SKIL: variants seen among roughly 807,000 people sequenced by gnomAD.
SKIL encodes the protein SKI like proto-oncogene, also known as ski-like protein.
Under a neutral mutation model 69.6 loss-of-function variants are expected in SKIL, and 20 were observed. The observed-to-expected ratio is 0.29, with a 90% CI of 0.20 to 0.42. SKIL has a LOEUF of 0.42. Among genes scored for constraint, SKIL ranks in the 10% least tolerant of loss-of-function variants. The pLI is 1.00. For missense variants in SKIL, 745 were observed against 783.1 expected (o/e 0.95, Z 0.58); for synonymous variants, 310 against 279.9 (o/e 1.11, Z -1.08).
intron 3 of SKIL, among the ~76,000 whole-genome samples, chr3:170,383,169 A>G (rs1299309735): frequency 6.6e-6 from 1 of 152,174 alleles, no homozygotes; most frequent in Non-Finnish European, 1.5e-5. Flanking sequence ...TTTTTCTACT[A>G]GTGTAAATCT....
In SKIL at chr3:170,395,482, A is replaced by G. The variant is rs1160873691; in HGVS notation, c.*3065A>G. ...TAAAGCAGCTATTAAAGTAGGTGAA[A>G]TAAAGTATATATTTGCCGGTTATCC... On this transcript the variant is annotated 3_prime_UTR_variant, in exon 7 of 7. Transcript: ENST00000259119. The G allele has an allele frequency of 6.6e-6, 1 of 152,144 alleles. No individual in the cohort carries two copies. The highest frequency in any genetic ancestry group is 1.5e-5 in the Non-Finnish European group (1 of 67,970). The allele number at this position is 152,144 out of a possible 1,614,324, so 9.4% of individuals were successfully genotyped here.
intron 2 of SKIL, among the ~76,000 whole-genome samples, chr3:170,371,357 A>T (rs1736797396): frequency 6.6e-6 from 1 of 152,114 alleles, no homozygotes; most frequent in Non-Finnish European, 1.5e-5. Flanking sequence ...TAATAAAAAA[A>T]ATAGCTGGGC....
intron 2 of SKIL, 137 bp from the exon 3 acceptor site, chr3:170,381,107 G>T: frequency 1.7e-6 from 1 of 589,150 alleles, no homozygotes; most frequent in South Asian, 1.9e-5. Context: ...GAATACAGGT[G>T]TGAACCACTG....
intron 2 of SKIL, among the ~76,000 whole-genome samples, 199 bp downstream of exon 2, chr3:170,361,628 C>T (rs994705031): frequency 6.6e-6 from 1 of 152,150 alleles, no homozygotes; most frequent in Middle Eastern, 3.2e-3. Context: ...TTCCAAACAT[C>T]CTGTGAGAGA....
At chr3:170,388,865 T>TATTC (rs1325251125) in intron 4 of SKIL, among the ~76,000 whole-genome samples, 4 of 131,864 alleles carry the variant, frequency 3.0e-5, no homozygotes, top group Non-Finnish European at 6.5e-5. Context: ...TTTATGTATT[T>TATTC]ATTTATTTAT....
In SKIL at chr3:170,393,808, T is replaced by C. The variant is rs1320872841; in HGVS notation, c.*1391T>C. The C allele has an allele frequency of 1.3e-5, 2 of 152,172 alleles. No individual in the cohort carries two copies. Among genetic ancestry groups the C allele is most frequent in the African/African-American group, 2.4e-5 (1 of 41,438 alleles). 9.4% of individuals were successfully genotyped at this position (152,172 alleles called of 1,614,324 possible). A position where few individuals can be genotyped will look rare whatever the true frequency, so the allele number is the denominator to read the frequency against. ...AAATTACTTCAGAGAGCTATATTTATTTTAAAATAAATTAGCTAGGGTTAA... is the reference window on the plus strand; with the variant it reads ...AAATTACTTCAGAGAGCTATATTTACTTTAAAATAAATTAGCTAGGGTTAA... On this transcript the variant is annotated 3_prime_UTR_variant, in exon 7 of 7. Transcript: ENST00000259119.
chr3:170,373,000 T>TC (rs1275116842), intron 2 of SKIL, among the ~76,000 whole-genome samples: 1 of 150,466 alleles, frequency 6.6e-6, no homozygotes, highest in African/African-American at 2.4e-5. Flanking sequence ...TTTTTTTTTT[T>TC]TTTTTGAGAC....
At chr3:170,364,844 C>G (rs1178876453) in intron 2 of SKIL, among the ~76,000 whole-genome samples, 2 of 152,094 alleles carry the variant, frequency 1.3e-5, no homozygotes, top group Admixed American at 6.6e-5. Context: ...TCCCAGAATT[C>G]ACTGATTTGA....
chr3:170,367,961 C>T (rs561545842), intron 2 of SKIL, among the ~76,000 whole-genome samples: 6 of 151,936 alleles, frequency 3.9e-5, no homozygotes, highest in Non-Finnish European at 5.9e-5. Flanking sequence ...TTTGCATTTT[C>T]GTTTCACTTC....
At chr3:170,366,153 A>G (rs1230372523) in intron 2 of SKIL, among the ~76,000 whole-genome samples, 1 of 150,904 alleles carries the variant, frequency 6.6e-6, no homozygotes, top group Non-Finnish European at 1.5e-5. Context: ...TGACATGCGT[A>G]TATAGTTTAT....
chr3:170,362,629 A>G (rs1446513545), intron 2 of SKIL, among the ~76,000 whole-genome samples: 1 of 151,882 alleles, frequency 6.6e-6, no homozygotes, highest in African/African-American at 2.4e-5. Flanking sequence ...AGCCTGGCCA[A>G]CATGGTAAAA....
chr3:170,389,617 A>G lies in SKIL; in HGVS notation c.1430-606A>G, dbSNP rs969217694. Among the ~76,000 whole-genome samples, 4 of 152,170 alleles carry G rather than the reference A, an allele frequency of 2.6e-5. No homozygotes were observed. In the East Asian group the frequency reaches 7.7e-4, roughly 29 times the overall value. ...GCGTGAGCCACCGCGCCTGGCCAGA[A>G]AAGATTATTCTTTCCTGACTGAATT... On this transcript the variant is annotated intron_variant, in intron 4 of 6. Transcript: ENST00000259119.
chr3:170,385,853 G>A (rs1180425672), intron 4 of SKIL, among the ~76,000 whole-genome samples: 1 of 150,710 alleles, frequency 6.6e-6, no homozygotes, highest in African/African-American at 2.4e-5. Context: ...CCAGGCTGGA[G>A]TAAAATGGTG....
chr3:170,385,512 T>C (rs1275859021), intron 4 of SKIL, among the ~76,000 whole-genome samples: 2 of 152,166 alleles, frequency 1.3e-5, no homozygotes, highest in Admixed American at 1.3e-4. Context: ...AAAGCAAGGA[T>C]TGAAAGCTCT....
intron 2 of SKIL, among the ~76,000 whole-genome samples, chr3:170,368,145 G>C (rs1250250808): frequency 1.3e-5 from 2 of 152,188 alleles, no homozygotes; most frequent in Non-Finnish European, 2.9e-5. Context: ...ATGTGATCTA[G>C]TAATAATTGT....
Position 170,393,221 on chromosome 3 carries a change from T to G in SKIL, c.*804T>G, listed in dbSNP as rs1738015595. 4 of 152,224 alleles carry G rather than the reference T, an allele frequency of 2.6e-5. No individual in the cohort carries two copies. The allele number at this position is 152,224 out of a possible 1,614,324, so 9.4% of individuals were successfully genotyped here. A position where few individuals can be genotyped will look rare whatever the true frequency, so the allele number is the denominator to read the frequency against. On this transcript the variant is annotated 3_prime_UTR_variant, in exon 7 of 7. Transcript: ENST00000259119. ...TATTAACGTTCTTGAGAAAAACTGATACCACTGTTGTGTATCAGTTTCTAT... is the reference window on the plus strand; with the variant it reads ...TATTAACGTTCTTGAGAAAAACTGAGACCACTGTTGTGTATCAGTTTCTAT...
rs1391598831 is a variant in SKIL at position 170,360,578 on chromosome 3, A to G, written c.247A>G (p.Asn83Asp). The G allele has an allele frequency of 1.2e-6, 2 of 1,614,242 alleles. No homozygotes were observed. Among genetic ancestry groups the G allele is most frequent in the East Asian group, 4.5e-5 (2 of 44,894 alleles). ...TTCTGTTCCTGAAACTTTGCATTTA[A>G]ATCCCAGTTTGAAACACACATTGGC... ...CTSVPETLHL[N>D]PSLKHTLAQF... Residue 83 changes from asparagine (N) to aspartate (D), a missense_variant, in exon 2 of 7, where the codon AAT becomes GAT. By Grantham distance (23) the Asn-to-Asp change is conservative. Transcript: ENST00000259119.
rs986377761 is a variant in SKIL at position 170,359,844 on chromosome 3, C to T, written c.-488C>T. On this transcript the variant is annotated 5_prime_UTR_variant, in exon 2 of 7. Coordinates refer to ENST00000259119, the MANE Select transcript of SKIL (RefSeq NM_005414.5). ...CAGACCATCATTTTTAGAGGAAATA[C>T]TCCCTCTGCCCTCCTTTTTGGTTTC... The T allele has an allele frequency of 2.0e-5, 3 of 153,224 alleles. No individual in the cohort carries two copies. Among genetic ancestry groups the T allele is most frequent in the Admixed American group, 6.5e-5 (1 of 15,392 alleles). The allele number at this position is 153,224 out of a possible 1,614,324, so 9.5% of individuals were successfully genotyped here. A position where few individuals can be genotyped will look rare whatever the true frequency, so the allele number is the denominator to read the frequency against.
At chr3:170,387,933 C>CAAAAAAAAAA (rs541166783) in intron 4 of SKIL, among the ~76,000 whole-genome samples, 1 of 51,088 alleles carries the variant, frequency 2.0e-5, no homozygotes, top group Non-Finnish European at 3.3e-5. Flanking sequence ...GACTCCGTCT[C>CAAAAAAAAAA]AAAAAAAAAA....
Sources: allele counts gnomAD v4.1 joint callset (sites outside exome capture counted in the v4.1 genomes callset), GRCh38; gene constraint gnomAD v4.1.1; transcripts MANE v1.5; gene names NCBI Gene and HGNC (gene_info 2026-07-23, HGNC 2026-07-21).